STIL: variants seen among roughly 807,000 people sequenced by gnomAD.
The protein encoded by STIL is STIL centriolar assembly protein.
A neutral mutation model predicts 110.1 loss-of-function variants in STIL; 55 were observed. That is an observed-to-expected ratio of 0.50 (90% CI 0.40 to 0.63). The LOEUF is 0.63. Among genes scored for constraint, STIL ranks in the 20% least tolerant of loss-of-function variants. STIL has a pLI of 0.00. For synonymous variants in STIL, 481 were observed against 530.0 expected (o/e 0.91, Z 1.27); for missense variants, 1,358 against 1,530.0 (o/e 0.89, Z 1.87).
At chr1:47,308,558 C>A (rs777632757) in intron 2 of STIL, among the ~76,000 whole-genome samples, 1 of 150,620 alleles carries the variant, frequency 6.6e-6, no homozygotes, top group Non-Finnish European at 1.5e-5. Context: ...ATCTAAAAAT[C>A]AAAACAATGG....
Position 47,300,000 on chromosome 1 carries a change from T to A in STIL, c.606A>T (p.Thr202=), listed in dbSNP as rs1414812655. ...GAATAATGGGGATGGGCTTCACAGG[T>A]GTGCATTTAAAGTTATTTGCTAGAG... The part of the protein sequence containing the change: ...AVTLANNFKC[T]PVKPIPIIPT... The change falls in exon 6 of 17, where the codon ACA becomes ACT. Residue 202 remains threonine (T), a synonymous_variant. Transcript: ENST00000371877. 1 of 1,614,152 alleles carries A rather than the reference T, an allele frequency of 6.2e-7. No homozygotes were observed. The highest frequency in any genetic ancestry group is 1.1e-5 in the South Asian group (1 of 91,090).
intron 14 of STIL, among the ~76,000 whole-genome samples, chr1:47,267,358 C>T (rs564115900): frequency 2.0e-5 from 3 of 152,198 alleles, no homozygotes; most frequent in South Asian, 2.1e-4. Context: ...TGTGGTAGCA[C>T]GTACCAGAAA....
Position 47,281,183 on chromosome 1 carries a change from A to G in STIL, c.1275T>C (p.Pro425=). 6.2e-7 allele frequency: 1 copy of G among 1,613,438 alleles called. No individual in the cohort carries two copies. The highest frequency in any genetic ancestry group is 8.5e-7 in the Non-Finnish European group (1 of 1,179,882). Residue 425 remains proline (P), a synonymous_variant, in exon 12 of 17, where the codon CCT becomes CCC. Coordinates refer to ENST00000371877, the MANE Select transcript of STIL (RefSeq NM_001048166.1). ...TGCCATCCAACACAAGTGAAAGTTC[A>G]GGAACTGATGGTTGGATCTTAGAAA... ...QKISKIQPSV[P]ELSLVLDGNF...
At position 47,273,705 on chromosome 1, in the gene STIL, G is replaced by A. The variant is rs145478232; in HGVS notation, c.2218-1464C>T. On this transcript the variant is annotated intron_variant, in intron 12 of 16. Coordinates refer to ENST00000371877, the MANE Select transcript of STIL (RefSeq NM_001048166.1). ...GGACATATTTTTTTCACTTCTCTTG[G>A]GTATGTAACTAGGAGTGGAAGAGCC... 2.3e-3 allele frequency among the ~76,000 whole-genome samples: 343 copies of A among 152,006 alleles called. 1 individual carries two copies. Among genetic ancestry groups the A allele is most frequent in the African/African-American group, 7.8e-3 (324 of 41,464 alleles).
At chr1:47,263,230 C>A in intron 14 of STIL, 114 bp from the exon 15 acceptor site, 1 of 978,046 alleles carries the variant, frequency 1.0e-6, no homozygotes, top group Non-Finnish European at 1.6e-6. Context: ...GTATTTTTAG[C>A]TCTTAGTGAT....
At position 47,310,258 on chromosome 1, in the gene STIL, G is replaced by A. The variant is rs780622807; in HGVS notation, c.44+18C>T. 3 of 1,608,958 alleles carry A rather than the reference G, an allele frequency of 1.9e-6. No individual in the cohort carries two copies. The highest frequency in any genetic ancestry group is 1.1e-5 in the South Asian group (1 of 90,882). ...GTGAAAAGCTGTAAGACAAATATTT[G>A]TAAATATACTTCTATACCTGGTATT... On this transcript the variant is annotated intron_variant, in intron 2 of 16. Transcript: ENST00000371877.
At chr1:47,310,139 C>T (rs1236831359) in intron 2 of STIL, 137 bp downstream of exon 2, 2 of 717,680 alleles carry the variant, frequency 2.8e-6, no homozygotes, top group South Asian at 3.4e-5. Context: ...CGGTCACCCA[C>T]CTAACAAGTG....
At chr1:47,272,365 A>G (rs1644866636) in intron 12 of STIL, 124 bp from the exon 13 acceptor site, 2 of 932,062 alleles carry the variant, frequency 2.1e-6, no homozygotes, top group South Asian at 1.5e-5. Flanking sequence ...TATTTTCTCA[A>G]ATTTCAACTA....
At chr1:47,271,125 T>C (rs1391808079) in intron 13 of STIL, among the ~76,000 whole-genome samples, 1 of 152,210 alleles carries the variant, frequency 6.6e-6, no homozygotes, top group African/African-American at 2.4e-5. Context: ...GCTTATTGTA[T>C]TTATACCTAT....
intron 12 of STIL, among the ~76,000 whole-genome samples, chr1:47,274,221 C>T (rs1644921018): frequency 6.6e-6 from 1 of 152,186 alleles, no homozygotes; most frequent in Non-Finnish European, 1.5e-5. Context: ...AAAGACATTA[C>T]ACACACTCAG....
rs398123691 is a variant in STIL at position 47,251,289 on chromosome 1, G to A, written c.3714C>T (p.Phe1238=). ...CATTTTCTTTCTCAGGATGTTGAGT[G>A]AACTCTGCTTTCCCGGTTCGAAGGT... The part of the protein sequence containing the change: ...AVNLRTGKAE[F]TQHPEKENEG... Residue 1238 remains phenylalanine, a synonymous_variant, in exon 17 of 17, where the codon TTC becomes TTT. Coordinates refer to ENST00000371877, the MANE Select transcript of STIL (RefSeq NM_001048166.1). 19 of 1,613,438 alleles carry A rather than the reference G, an allele frequency of 1.2e-5. No individual in the cohort carries two copies. Among genetic ancestry groups the A allele is most frequent in the Non-Finnish European group, 1.5e-5 (18 of 1,179,516 alleles).
At chr1:47,314,175 T>A (rs563186629), upstream of STIL, 3 of 152,204 alleles carry the variant, frequency 2.0e-5, no homozygotes, top group African/African-American at 7.2e-5. Flanking sequence ...CTCGCGAAAC[T>A]GAAGGCCGCG....
At chr1:47,307,022 G>A (rs1200249552) in intron 2 of STIL, among the ~76,000 whole-genome samples, 14 of 152,218 alleles carry the variant, frequency 9.2e-5, no homozygotes, top group Non-Finnish European at 1.3e-4. Flanking sequence ...GTGGTGCCAC[G>A]CGCCTCTGGT....
chr1:47,261,464 G>A (rs182754312), intron 15 of STIL, among the ~76,000 whole-genome samples: 1 of 151,796 alleles, frequency 6.6e-6, no homozygotes, highest in African/African-American at 2.4e-5. Context: ...TTTGAGTACA[G>A]GCGTGTGGCT....
chr1:47,280,375 A>G lies in STIL; in HGVS notation c.2083T>C (p.Cys695Arg), dbSNP rs761884641. 1.9e-6 allele frequency: 3 copies of G among 1,614,122 alleles called. No homozygotes were observed. The highest frequency in any genetic ancestry group is 1.3e-5 in the African/African-American group (1 of 74,946). ...VARPPSHMDL[C>R]NPQPCTVCMH... ...CACACTGTGCAAGGCTGTGGGTTAC[A>G]TAAGTCCATATGTGAAGGCGGTCTT... Residue 695 changes from cysteine to arginine, a missense_variant, in exon 12 of 17, where the codon TGT becomes CGT. Physicochemically the swap from Cys to Arg is radical, Grantham distance 180 (BLOSUM62 -3). Coordinates refer to ENST00000371877, the MANE Select transcript of STIL (RefSeq NM_001048166.1).
intron 4 of STIL, 43 bp downstream of exon 4, chr1:47,302,191 G>A: frequency 7.0e-7 from 1 of 1,435,564 alleles, no homozygotes; most frequent in South Asian, 1.1e-5. Flanking sequence ...AACGTGCTGG[G>A]ATTACAGGCG....
intron 16 of STIL, among the ~76,000 whole-genome samples, chr1:47,254,050 G>A (rs11211492): frequency 0.26 from 39,145 of 151,402 alleles, 5,380 homozygotes; most frequent in Non-Finnish European, 0.31. Context: ...GCGTGGTGGC[G>A]GGTGCCTGTA....
chr1:47,293,704 A>G (rs1052600088), intron 7 of STIL, among the ~76,000 whole-genome samples, 160 bp from the exon 8 acceptor site: 2 of 152,158 alleles, frequency 1.3e-5, no homozygotes, highest in African/African-American at 4.8e-5. Flanking sequence ...AATTAAAAGG[A>G]AGAATATATA....
Position 47,251,761 on chromosome 1 carries a change from A to G in STIL, c.3242T>C (p.Leu1081Pro). The G allele has an allele frequency of 1.2e-6, 2 of 1,613,758 alleles. No homozygotes were observed. Among genetic ancestry groups the G allele is most frequent in the Non-Finnish European group, 1.7e-6 (2 of 1,179,906 alleles). Reference sequence around the variant, plus strand: ...ATTTTGGTTCGATCGAGTGACAGACAGTTGTGACAGCTGATTTTCATTTAA... The same window carrying G: ...ATTTTGGTTCGATCGAGTGACAGACGGTTGTGACAGCTGATTTTCATTTAA... The part of the protein sequence containing the change: ...KYLNENQLSQ[L>P]SVTRSNQNNC... The change falls in exon 17 of 17, where the codon CTG (leucine) becomes CCG (proline). Residue 1081 changes from leucine to proline, a missense_variant. Transcript: ENST00000371877.
Sources: gnomAD v4.1 joint callset for allele counts (sites outside exome capture counted in the v4.1 genomes callset) on GRCh38, gnomAD v4.1.1 for gene constraint, MANE v1.5 for transcripts, NCBI Gene and HGNC (gene_info 2026-07-23, HGNC 2026-07-21) for gene names.